The following TSHZ3 variants were observed in gnomAD, a reference collection of about 807,000 sequenced individuals.
TSHZ3 encodes the protein teashirt zinc finger homeobox 3.
In TSHZ3, 10 loss-of-function variants were observed where a neutral mutation model predicts 64.5. The observed-to-expected ratio is 0.16, with a 90% CI of 0.10 to 0.26. The LOEUF (loss-of-function observed/expected upper bound fraction) is 0.26. TSHZ3 is among the 10% of genes least tolerant of loss of function. The pLI, the probability that TSHZ3 is intolerant of heterozygous loss-of-function variation, is 1.00. For missense variants in TSHZ3, 1,242 were observed against 1,421.7 expected (o/e 0.87, Z 2.03); for synonymous variants, 608 against 593.1 (o/e 1.03, Z -0.36).
chr19:31,184,429 T>C (rs1053400976), intron 5 of TSHZ3, among the ~76,000 whole-genome samples: 1 of 151,376 alleles, frequency 6.6e-6, no homozygotes, highest in Non-Finnish European at 1.5e-5. Context: ...GAGGCATTTC[T>C]TTGCACTGTT....
In TSHZ3 at chr19:31,311,340, A is replaced by G. The variant is rs534523664; in HGVS notation, c.41-31588T>C. ...CCCCAACAAATCCTAGGACAGATCA[A>G]GAGCATTCGTGTCTGGGGAGGCAGG... On this transcript the variant is annotated intron_variant, in intron 1 of 1. Coordinates refer to ENST00000240587, the MANE Select transcript of TSHZ3 (RefSeq NM_020856.4). 2.0e-5 allele frequency among the ~76,000 whole-genome samples: 3 copies of G among 152,328 alleles called. No homozygotes were observed. The East Asian group carries it at 5.8e-4, about 29-fold the overall frequency.
intron 1 of TSHZ3, among the ~76,000 whole-genome samples, chr19:31,316,835 A>G (rs543123262): frequency 1.3e-4 from 20 of 152,202 alleles, no homozygotes; most frequent in African/African-American, 4.6e-4. Context: ...ACCTCAGCTC[A>G]CTGTACGCTG....
chr19:31,151,646 T>C (rs1339337999), exon 7 of TSHZ3, among the ~76,000 whole-genome samples: 2 of 152,128 alleles, frequency 1.3e-5, no homozygotes, highest in Admixed American at 6.5e-5. Flanking sequence ...AAAATCTCGA[T>C]GTGATTGGAT....
intron 1 of TSHZ3, among the ~76,000 whole-genome samples, chr19:31,293,092 T>C (rs934842881): frequency 7.5e-5 from 11 of 146,698 alleles, no homozygotes; most frequent in African/African-American, 2.4e-4. Context: ...CATCCATCCA[T>C]CCATCCACCC....
chr19:31,257,142 CAG>C (rs1272687536), intron 1 of TSHZ3, among the ~76,000 whole-genome samples: 1 of 152,162 alleles, frequency 6.6e-6, no homozygotes, highest in Admixed American at 6.5e-5. Flanking sequence ...GATGGCTGCA[CAG>C]AGGCCATTAG....
intron 1 of TSHZ3, among the ~76,000 whole-genome samples, chr19:31,301,216 G>C (rs539990118): frequency 1.3e-5 from 2 of 152,148 alleles, no homozygotes; most frequent in South Asian, 4.2e-4. Flanking sequence ...AGAAGCGGGT[G>C]GTGCAGACTC....
intron 5 of TSHZ3, among the ~76,000 whole-genome samples, chr19:31,193,734 T>C (rs1221340519): frequency 2.6e-5 from 4 of 152,174 alleles, no homozygotes; most frequent in African/African-American, 9.7e-5. Context: ...CATTATGATG[T>C]GGATAACTGG....
intron 1 of TSHZ3, among the ~76,000 whole-genome samples, chr19:31,314,703 A>C (rs966108813): frequency 2.0e-5 from 3 of 152,260 alleles, no homozygotes; most frequent in African/African-American, 7.2e-5. Context: ...CTTTGTAGCC[A>C]GAATGGGAGA....
At chr19:31,310,298 G>C (rs1394855518) in intron 1 of TSHZ3, among the ~76,000 whole-genome samples, 4 of 152,152 alleles carry the variant, frequency 2.6e-5, no homozygotes, top group Admixed American at 2.6e-4. Context: ...AAAGCAAAGA[G>C]TGTGGGGCAG....
chr19:31,348,820 A>C, intron 1 of TSHZ3: 3 of 233,416 alleles, frequency 1.3e-5, no homozygotes, highest in Middle Eastern at 1.3e-3. Context: ...AGGACGCGGA[A>C]GATGTCCCGG....
At chr19:31,327,064 A>T (rs1916952464) in intron 1 of TSHZ3, among the ~76,000 whole-genome samples, 1 of 152,204 alleles carries the variant, frequency 6.6e-6, no homozygotes, top group Non-Finnish European at 1.5e-5. Context: ...GAAAGGCAGC[A>T]GCTTTCTGTT....
At chr19:31,314,594 T>G (rs527347573) in intron 1 of TSHZ3, among the ~76,000 whole-genome samples, 2 of 152,354 alleles carry the variant, frequency 1.3e-5, no homozygotes, top group Admixed American at 1.3e-4. Flanking sequence ...GATTGTGAAT[T>G]GTTCCGAGTG....
At chr19:31,212,477 G>A (rs1342869220) in intron 4 of TSHZ3, among the ~76,000 whole-genome samples, 2 of 151,850 alleles carry the variant, frequency 1.3e-5, no homozygotes, top group East Asian at 3.9e-4. Context: ...AATAAATAAA[G>A]AAAAATAAAA....
intron 1 of TSHZ3, among the ~76,000 whole-genome samples, chr19:31,267,192 G>T (rs1173162256): frequency 6.6e-6 from 1 of 152,216 alleles, no homozygotes; most frequent in Non-Finnish European, 1.5e-5. Flanking sequence ...CACAGGGCAT[G>T]AGGGCCTTCT....
chr19:31,184,947 C>A (rs992741230), intron 5 of TSHZ3, among the ~76,000 whole-genome samples: 2 of 152,128 alleles, frequency 1.3e-5, no homozygotes, highest in Admixed American at 1.3e-4. Flanking sequence ...TTTTTCCCCC[C>A]AAGGGGTTAA....
intron 5 of TSHZ3, among the ~76,000 whole-genome samples, chr19:31,182,260 A>G (rs1974729668): frequency 1.3e-5 from 2 of 152,154 alleles, no homozygotes. Flanking sequence ...TTCTGTACCG[A>G]TGCTGTGAAT....
intron 5 of TSHZ3, among the ~76,000 whole-genome samples, chr19:31,163,871 C>T (rs1974404664): frequency 6.6e-6 from 1 of 152,178 alleles, no homozygotes; most frequent in Admixed American, 6.5e-5. Context: ...ATACTGGGGG[C>T]TTACCCTGCA....
At chr19:31,236,901 C>T (rs1044060587) in intron 3 of TSHZ3, among the ~76,000 whole-genome samples, 4 of 152,216 alleles carry the variant, frequency 2.6e-5, no homozygotes, top group African/African-American at 9.6e-5. Context: ...GTAATCCCAG[C>T]ACTTTGGGAG....
rs751363788 is a variant in TSHZ3 at position 31,278,227 on chromosome 19, G to A, written c.1566C>T (p.Ile522=). Residue 522 remains isoleucine, a synonymous_variant, in exon 2 of 2, where the codon ATC becomes ATT. Coordinates refer to ENST00000240587, the MANE Select transcript of TSHZ3 (RefSeq NM_020856.4). This position sits in a 1 kb window ranked among gnomAD's most constrained non-coding sequence, Gnocchi z 4.7. The part of the protein sequence containing the change: ...LEESPKGGLD[I]LKSLENTVTS... ...TCACTGTGTTTTCCAAGGATTTGAG[G>A]ATATCAAGCCCCCCCTTGGGACTCT... The A allele has an allele frequency of 6.2e-7, 1 of 1,614,026 alleles. No homozygotes were observed. Among genetic ancestry groups the A allele is most frequent in the Non-Finnish European group, 8.5e-7 (1 of 1,180,040 alleles).
Sources: gnomAD v4.1 joint callset for allele counts (sites outside exome capture counted in the v4.1 genomes callset) on GRCh38, gnomAD v4.1.1 for gene constraint, Gnocchi (gnomAD v3.1) non-coding constraint, MANE v1.5 for transcripts, NCBI Gene and HGNC (gene_info 2026-07-23, HGNC 2026-07-21) for gene names.